Variants in GRIK4 observed in about 807,000 individuals in gnomAD.
The protein encoded by GRIK4 is glutamate ionotropic receptor kainate type subunit 4, also known as glutamate receptor ionotropic, kainate 4.
GRIK4 carries 40 observed loss-of-function variants against 104.9 expected under a neutral mutation model. The ratio of observed to expected loss-of-function variants is 0.38; its 90% CI spans 0.30 to 0.50. The LOEUF (loss-of-function observed/expected upper bound fraction) is 0.50, where lower values mean the gene tolerates loss of function less well. Ranked by LOEUF, GRIK4 falls within the 20% of genes least tolerant of loss-of-function variation. The pLI is 0.93. For synonymous variants in GRIK4, 485 were observed against 524.9 expected (o/e 0.92, Z 1.04); for missense variants, 1,047 against 1,308.1 (o/e 0.80, Z 3.08).
rs186287482 is a variant in GRIK4, at chr11:120,824,820, G to A, written c.511+4900G>A. 1.6e-4 allele frequency among the ~76,000 whole-genome samples: 24 copies of A among 151,940 alleles called. No homozygotes were observed. The East Asian group carries it at 4.5e-3, about 28-fold the overall frequency. ...CTGCCTCGGCCTCCCGAAGTGCTGG[G>A]ATTACAGCTATGAGCCACTGTGCCT... On this transcript the variant is annotated intron_variant, in intron 6 of 20. Coordinates refer to ENST00000527524, the MANE Select transcript of GRIK4 (RefSeq NM_014619.5).
intron 3 of GRIK4, among the ~76,000 whole-genome samples, chr11:120,687,144 C>T (rs935568061): frequency 1.3e-4 from 20 of 152,268 alleles, no homozygotes; most frequent in Non-Finnish European, 2.1e-4. Flanking sequence ...GTCTGCTTGA[C>T]GCTTATGTAA....
intron 3 of GRIK4, among the ~76,000 whole-genome samples, chr11:120,725,669 C>T (rs1201009154): frequency 1.3e-5 from 2 of 151,958 alleles, no homozygotes; most frequent in Admixed American, 1.3e-4. Flanking sequence ...CCTGGGGGTC[C>T]TTTCTTGAGG....
intron 1 of GRIK4, among the ~76,000 whole-genome samples, chr11:120,527,934 G>A (rs17092876): frequency 0.34 from 52,348 of 152,018 alleles, 10,074 homozygotes; most frequent in African/African-American, 0.53. Context: ...AGGGACACAT[G>A]CGTTGTGAAT....
rs148976375 is a variant in GRIK4, at chr11:120,768,810, A to G, written c.83-33883A>G. Among the ~76,000 whole-genome samples the G allele has an allele frequency of 3.0e-4, 46 of 152,278 alleles. No homozygotes were observed. The East Asian group carries it at 8.9e-3, about 29-fold the overall frequency. On this transcript the variant is annotated intron_variant, in intron 3 of 20. Transcript: ENST00000527524. ...CAGTTGAGATGATTGTGTGGCTTTT[A>G]TCTTTCATTCTATTAATGTGATGTG...
intron 1 of GRIK4, chr11:120,620,150 C>T: frequency 1.2e-6 from 1 of 838,356 alleles, no homozygotes. Flanking sequence ...TTTATCATGC[C>T]TGATGTTAAT....
chr11:120,726,664 GA>G (rs1951032235), intron 3 of GRIK4, among the ~76,000 whole-genome samples: 1 of 152,102 alleles, frequency 6.6e-6, no homozygotes, highest in South Asian at 2.1e-4. Context: ...TTTTAAGGGG[GA>G]AATTGGCTTA....
intron 3 of GRIK4, among the ~76,000 whole-genome samples, chr11:120,752,759 T>C (rs1294696785): frequency 6.6e-6 from 1 of 152,210 alleles, no homozygotes; most frequent in Non-Finnish European, 1.5e-5. Context: ...ACACTGGCCT[T>C]GCTCCTCTTT....
intron 1 of GRIK4, among the ~76,000 whole-genome samples, chr11:120,538,606 C>G (rs1948002391): frequency 6.6e-6 from 1 of 152,230 alleles, no homozygotes; most frequent in African/African-American, 2.4e-5. Context: ...GCTGGGCAGA[C>G]TGCCTCGGGT....
At chr11:120,832,945 A>G (rs1953468769) in intron 7 of GRIK4, among the ~76,000 whole-genome samples, 1 of 152,158 alleles carries the variant, frequency 6.6e-6, no homozygotes, top group Admixed American at 6.5e-5. Flanking sequence ...CTCCAGGCGC[A>G]CTGGCCTCTT....
chr11:120,988,072 G>T lies in GRIK4; in HGVS notation c.*1812G>T, dbSNP rs1035911684. On this transcript the variant is annotated 3_prime_UTR_variant, in exon 21 of 21. Coordinates refer to ENST00000527524, the MANE Select transcript of GRIK4 (RefSeq NM_014619.5). ...TTGGGTTGGTCGGCATCCTCTTTAT[G>T]CCAGGACAATCAGTTAGGGCTGCCG... 4 of 152,302 alleles carry T rather than the reference G, an allele frequency of 2.6e-5. No individual in the cohort carries two copies. The highest frequency in any genetic ancestry group is 9.6e-5 in the African/African-American group (4 of 41,548). The allele number at this position is 152,302 out of a possible 1,614,324, so 9.4% of individuals were successfully genotyped here.
At chr11:120,716,463 C>T (rs1361861211) in intron 3 of GRIK4, among the ~76,000 whole-genome samples, 4 of 152,122 alleles carry the variant, frequency 2.6e-5, no homozygotes, top group Non-Finnish European at 5.9e-5. Context: ...AGGCTGGTCT[C>T]AAACTCCTGA....
At chr11:120,612,564 C>T (rs1949050983) in intron 1 of GRIK4, among the ~76,000 whole-genome samples, 1 of 151,932 alleles carries the variant, frequency 6.6e-6, no homozygotes, top group Non-Finnish European at 1.5e-5. Flanking sequence ...ATTGACTAAG[C>T]CTGAGTCCCT....
intron 3 of GRIK4, among the ~76,000 whole-genome samples, chr11:120,725,302 T>C (rs1951009805): frequency 6.6e-6 from 1 of 152,228 alleles, no homozygotes; most frequent in Non-Finnish European, 1.5e-5. Context: ...AAAATGTTCA[T>C]GTTCCAGAAC....
At chr11:120,849,183 A>G (rs1054799904) in intron 8 of GRIK4, among the ~76,000 whole-genome samples, 12 of 152,130 alleles carry the variant, frequency 7.9e-5, no homozygotes, top group East Asian at 5.8e-4. Flanking sequence ...ACACACACAC[A>G]TTTCTATGCC....
chr11:120,592,976 A>C (rs957517078), intron 1 of GRIK4, among the ~76,000 whole-genome samples: 1 of 152,168 alleles, frequency 6.6e-6, no homozygotes, highest in Non-Finnish European at 1.5e-5. Context: ...TGAGGTCAGG[A>C]GTTCAAGACC....
intron 1 of GRIK4, among the ~76,000 whole-genome samples, chr11:120,537,157 A>G (rs554212467): frequency 2.6e-5 from 4 of 152,352 alleles, no homozygotes; most frequent in African/African-American, 9.6e-5. Context: ...AAAGACTCCG[A>G]GGGCCACAGG....
At chr11:120,862,146 G>A (rs1340306947) in intron 9 of GRIK4, 26 bp downstream of exon 9, 1 of 1,606,382 alleles carries the variant, frequency 6.2e-7, no homozygotes, top group Non-Finnish European at 8.5e-7. Flanking sequence ...AGCTCTTCCT[G>A]GTGCCCCTTG....
chr11:120,727,406 C>T (rs766661839), intron 3 of GRIK4, among the ~76,000 whole-genome samples: 74 of 152,158 alleles, frequency 4.9e-4, no homozygotes, highest in African/African-American at 7.0e-4. Flanking sequence ...TTTTTTTAAA[C>T]GCTATATAAA....
Position 120,819,629 on chromosome 11 carries a change from AT to A in GRIK4, c.346-124del. 1 of 825,774 alleles carries A rather than the reference AT, an allele frequency of 1.2e-6. No individual in the cohort carries two copies. Among genetic ancestry groups the A allele is most frequent in the Non-Finnish European group, 2.0e-6 (1 of 498,530 alleles). The allele number at this position is 825,774 out of a possible 1,614,324, so 51.2% of individuals were successfully genotyped here. ...GGGTGCCCTGGGAGCTCCTTCTCCC[AT>A]TGGTGTCTGGCGAAGGTGTTACATA... On this transcript the variant is annotated intron_variant, in intron 5 of 20. Coordinates refer to ENST00000527524, the MANE Select transcript of GRIK4 (RefSeq NM_014619.5). The surrounding 1 kb of genome is among the most constrained non-coding windows in gnomAD (Gnocchi z 4.3).
Sources: allele counts gnomAD v4.1 joint callset (sites outside exome capture counted in the v4.1 genomes callset), GRCh38; gene constraint gnomAD v4.1.1; non-coding constraint Gnocchi (gnomAD v3.1); transcripts MANE v1.5; gene names NCBI Gene and HGNC (gene_info 2026-07-23, HGNC 2026-07-21).